Variants in NCKAP5 observed in about 807,000 individuals in gnomAD.
The protein encoded by NCKAP5 is NCK associated protein 5.
In NCKAP5, 92 loss-of-function variants were observed where a neutral mutation model predicts 167.0. The observed-to-expected ratio is 0.55, with a 90% CI of 0.47 to 0.66. NCKAP5 has a LOEUF of 0.66. Among genes scored for constraint, NCKAP5 ranks in the 30% least tolerant of loss-of-function variants. NCKAP5 has a pLI of 0.00. For missense variants in NCKAP5, 2,378 were observed against 2,315.0 expected, an observed-to-expected ratio of 1.03 and a Z score of -0.56; for synonymous variants, 891 against 877.4, an observed-to-expected ratio of 1.02 and a Z score of -0.27.
At chr2:133,068,584 G>A (rs547222376) in intron 6 of NCKAP5, among the ~76,000 whole-genome samples, 3 of 152,224 alleles carry the variant, frequency 2.0e-5, no homozygotes, top group African/African-American at 7.2e-5. Context: ...TGTTCAAGCT[G>A]TTAGAGGGAC....
chr2:133,478,059 A>G (rs1325077968), intron 3 of NCKAP5, among the ~76,000 whole-genome samples: 1 of 152,180 alleles, frequency 6.6e-6, no homozygotes, highest in Admixed American at 6.5e-5. Flanking sequence ...CACTCTTATT[A>G]TTCCATTGCA....
At chr2:133,427,560 TAAAG>T (rs1689892180) in intron 3 of NCKAP5, among the ~76,000 whole-genome samples, 1 of 152,088 alleles carries the variant, frequency 6.6e-6, no homozygotes, top group Admixed American at 6.6e-5. Context: ...TTAGCACAGA[TAAAG>T]AAACTCTGAT....
chr2:132,822,287 A>G (rs1399502386), intron 11 of NCKAP5, among the ~76,000 whole-genome samples: 1 of 152,184 alleles, frequency 6.6e-6, no homozygotes, highest in Non-Finnish European at 1.5e-5. Flanking sequence ...ATAACCATGG[A>G]CACTTACAGA....
chr2:133,190,693 G>A (rs781588894), intron 5 of NCKAP5, among the ~76,000 whole-genome samples: 2 of 152,130 alleles, frequency 1.3e-5, no homozygotes, highest in Non-Finnish European at 2.9e-5. Context: ...TTAATAAATG[G>A]TGCTGGAAAA....
At chr2:132,692,154 A>ATTTTATTTCATTTTT (rs1553472635) in intron 19 of NCKAP5, among the ~76,000 whole-genome samples, 55 of 141,862 alleles carry the variant, frequency 3.9e-4, no homozygotes, top group African/African-American at 1.5e-3. Flanking sequence ...ATTTTATTTT[A>ATTTTATTTCATTTTT]TTTTTTGAGA....
intron 8 of NCKAP5, among the ~76,000 whole-genome samples, chr2:132,889,605 TCTACTCAACAGG>T (rs1692525402): frequency 6.6e-6 from 1 of 151,844 alleles, no homozygotes; most frequent in Non-Finnish European, 1.5e-5. Flanking sequence ...CTTGAATCAG[TCTACTCAACAGG>T]CAATCAAAAC....
At chr2:133,004,537 G>C (rs1039909285) in intron 6 of NCKAP5, among the ~76,000 whole-genome samples, 1 of 152,122 alleles carries the variant, frequency 6.6e-6, no homozygotes, top group South Asian at 2.1e-4. Context: ...AAGGGGAGGG[G>C]TGTACGAATA....
chr2:132,928,183 C>A (rs1460479864), intron 8 of NCKAP5, among the ~76,000 whole-genome samples: 1 of 152,134 alleles, frequency 6.6e-6, no homozygotes, highest in East Asian at 1.9e-4. Flanking sequence ...TTAGTTAACT[C>A]CTCTGTGCCT....
intron 6 of NCKAP5, among the ~76,000 whole-genome samples, chr2:133,079,164 C>A (rs775214770): frequency 9.9e-5 from 15 of 152,142 alleles, no homozygotes; most frequent in African/African-American, 3.6e-4. Flanking sequence ...TCTGTATCTT[C>A]CACATTCATA....
chr2:133,654,740 T>C, the NCKAP5 span, among the ~76,000 whole-genome samples: 1 of 152,232 alleles, frequency 6.6e-6, no homozygotes, highest in Non-Finnish European at 1.5e-5. Context: ...TGAGTGCTCC[T>C]ATGATGGGTA....
At chr2:133,286,189 G>A (rs1016792926) in intron 4 of NCKAP5, among the ~76,000 whole-genome samples, 2 of 150,782 alleles carry the variant, frequency 1.3e-5, no homozygotes, top group Non-Finnish European at 3.0e-5. Flanking sequence ...TAGTAGAGAC[G>A]GGGTTTCACT....
intron 16 of NCKAP5, among the ~76,000 whole-genome samples, chr2:132,751,198 C>T (rs1680081725): frequency 6.6e-6 from 1 of 152,002 alleles, no homozygotes; most frequent in Non-Finnish European, 1.5e-5. Context: ...AGTGGGTTCT[C>T]ACCTTTAGTT....
the NCKAP5 span, among the ~76,000 whole-genome samples, chr2:133,616,349 T>C: frequency 1.2e-4 from 18 of 151,742 alleles, no homozygotes; most frequent in South Asian, 2.1e-4. Context: ...TTCAAAAAAT[T>C]AATGAATCCA....
chr2:132,943,973 G>A (rs2149109547), intron 8 of NCKAP5, among the ~76,000 whole-genome samples: 1 of 152,292 alleles, frequency 6.6e-6, no homozygotes, highest in Middle Eastern at 3.4e-3. Flanking sequence ...GGGGACAGAG[G>A]AATGAGAGTT....
rs80037535 is a variant in NCKAP5, at chr2:133,330,974, A to C, written c.70-27864T>G. Reference sequence around the variant, plus strand: ...TCATTTAATACATACACAGACATACATGCACACACACTCCCACTGTACCAT... The same window carrying C: ...TCATTTAATACATACACAGACATACCTGCACACACACTCCCACTGTACCAT... On this transcript the variant is annotated intron_variant, in intron 3 of 19. Coordinates refer to ENST00000409261, the MANE Select transcript of NCKAP5 (RefSeq NM_207363.3). Among the ~76,000 whole-genome samples, 509 of 152,284 alleles carry C rather than the reference A, an allele frequency of 3.3e-3. 5 individuals carry two copies. The highest frequency in any genetic ancestry group is 0.012 in the African/African-American group (498 of 41,544).
the NCKAP5 span, among the ~76,000 whole-genome samples, chr2:133,648,920 A>T: frequency 6.6e-6 from 1 of 151,836 alleles, no homozygotes; most frequent in African/African-American, 2.4e-5. Flanking sequence ...AAACAAATAA[A>T]TAATAGAAAA....
intron 8 of NCKAP5, among the ~76,000 whole-genome samples, chr2:132,938,761 A>C (rs918350796): frequency 5.3e-5 from 8 of 152,150 alleles, no homozygotes; most frequent in African/African-American, 1.9e-4. Context: ...AGAATGTTAG[A>C]GAAAGAAGGG....
chr2:133,105,226 A>T (rs922261758), intron 6 of NCKAP5, among the ~76,000 whole-genome samples: 1 of 152,256 alleles, frequency 6.6e-6, no homozygotes, highest in African/African-American at 2.4e-5. Flanking sequence ...GAAAAAATGT[A>T]TCCTCATAGG....
At chr2:133,001,011 C>T (rs1052001595) in intron 6 of NCKAP5, among the ~76,000 whole-genome samples, 2 of 152,048 alleles carry the variant, frequency 1.3e-5, no homozygotes, top group African/African-American at 4.8e-5. Context: ...AAAGGAACTT[C>T]CTGGGATAAG....
Sources: allele counts gnomAD v4.1 joint callset (sites outside exome capture counted in the v4.1 genomes callset), GRCh38; gene constraint gnomAD v4.1.1; transcripts MANE v1.5; gene names NCBI Gene and HGNC (gene_info 2026-07-23, HGNC 2026-07-21).